CASR: variants seen among roughly 807,000 people sequenced by gnomAD.
CASR encodes extracellular calcium-sensing receptor.
In CASR, 23 loss-of-function variants were observed where a neutral mutation model predicts 69.1. That is an observed-to-expected ratio of 0.33 (90% confidence interval 0.24 to 0.47). The LOEUF is 0.47. Among genes scored for constraint, CASR ranks in the 20% least tolerant of loss-of-function variants. The pLI, the probability that CASR is intolerant of heterozygous loss-of-function variation, is 1.00. For missense variants in CASR, 924 were observed against 1,356.1 expected, an observed-to-expected ratio of 0.68 and a Z score of 5.00; for synonymous variants, 541 against 544.7, an observed-to-expected ratio of 0.99 and a Z score of 0.10.
chr3:122,244,705 C>A (rs2074410098), intron 1 of CASR, among the ~76,000 whole-genome samples: 2 of 151,854 alleles, frequency 1.3e-5, no homozygotes, highest in Admixed American at 6.6e-5. Context: ...TGTGGAAATT[C>A]TTGTATGATT....
intron 5 of CASR, among the ~76,000 whole-genome samples, chr3:122,276,268 A>G (rs2074819251): frequency 6.6e-6 from 1 of 152,168 alleles, no homozygotes; most frequent in African/African-American, 2.4e-5. Flanking sequence ...CTGTATTGAA[A>G]CAGTTTCATT....
intron 1 of CASR, among the ~76,000 whole-genome samples, chr3:122,240,142 A>T (rs1430164919): frequency 6.6e-6 from 1 of 152,212 alleles, no homozygotes. Context: ...AAAGAGCAAC[A>T]GGAAAGAAGC....
intron 4 of CASR, among the ~76,000 whole-genome samples, chr3:122,264,230 C>T (rs1270853576): frequency 6.6e-6 from 1 of 152,144 alleles, no homozygotes; most frequent in Non-Finnish European, 1.5e-5. Context: ...GGTCATGTCA[C>T]TAAAAATCTC....
rs532308847 is a variant in CASR, at chr3:122,287,172, C to T, written c.*1981C>T. On this transcript the variant is annotated 3_prime_UTR_variant, in exon 7 of 7. Coordinates refer to ENST00000639785, the MANE Select transcript of CASR (RefSeq NM_000388.4). ...TGAAAATGTGATGGTTTCAAAATAA[C>T]TATGAGGGAACAGCCTCAACAGAAT... 2 of 152,220 alleles carry T rather than the reference C, an allele frequency of 1.3e-5. No individual in the cohort carries two copies. Among genetic ancestry groups the T allele is most frequent in the African/African-American group, 2.4e-5 (1 of 41,458 alleles). The allele number at this position is 152,220 out of a possible 1,614,324, so 9.4% of individuals were successfully genotyped here. A position where few individuals can be genotyped will look rare whatever the true frequency, so the allele number is the denominator to read the frequency against.
intron 1 of CASR, among the ~76,000 whole-genome samples, chr3:122,233,770 C>T (rs572953805): frequency 3.9e-5 from 6 of 152,310 alleles, no homozygotes; most frequent in African/African-American, 1.4e-4. Flanking sequence ...AACCAGCTCC[C>T]GGTGGAACTG....
chr3:122,213,192 A>C (rs888696503), intron 1 of CASR, among the ~76,000 whole-genome samples: 1 of 152,154 alleles, frequency 6.6e-6, no homozygotes, highest in African/African-American at 2.4e-5. Flanking sequence ...ACACCATCAC[A>C]TGTATTTCCA....
intron 1 of CASR, chr3:122,246,420 A>C (rs2074428266): frequency 6.6e-6 from 1 of 152,236 alleles, no homozygotes; most frequent in Non-Finnish European, 1.5e-5. Context: ...GAACACTAAA[A>C]TGCATGCTTT....
chr3:122,264,462 G>C (rs979762657), intron 4 of CASR, among the ~76,000 whole-genome samples: 4 of 152,170 alleles, frequency 2.6e-5, no homozygotes, highest in African/African-American at 4.8e-5. Flanking sequence ...TTAGAGTAAG[G>C]GGGGAGTGAA....
Position 122,212,291 on chromosome 3 carries a change from A to C in CASR, c.-243+28479A>C, listed in dbSNP as rs531045075. On this transcript the variant is annotated intron_variant, in intron 1 of 6. Coordinates refer to ENST00000639785, the MANE Select transcript of CASR (RefSeq NM_000388.4). Reference sequence around the variant, plus strand: ...GATGGAGCTGGAAGCCATTATCCTCAGCAAACTAACTCAGGAACAGAAACC... The same window carrying C: ...GATGGAGCTGGAAGCCATTATCCTCCGCAAACTAACTCAGGAACAGAAACC... Among the ~76,000 whole-genome samples, 279 of 152,322 alleles carry C rather than the reference A, an allele frequency of 1.8e-3. 2 individuals are homozygous for C. Among genetic ancestry groups the C allele is most frequent in the Admixed American group, 3.8e-3 (58 of 15,304 alleles).
chr3:122,268,550 C>T (rs1486380729), intron 4 of CASR, among the ~76,000 whole-genome samples: 1 of 152,190 alleles, frequency 6.6e-6, no homozygotes, highest in East Asian at 1.9e-4. Flanking sequence ...CCTGACACCT[C>T]GGTCCTTACA....
In CASR at chr3:122,252,456, AAAG is replaced by A. The variant is rs146331343; in HGVS notation, c.-242-1489_-242-1487del. Among the ~76,000 whole-genome samples the A allele has an allele frequency of 3.3e-3, 290 of 88,046 alleles. 36 individuals carry two copies. The highest frequency in any genetic ancestry group is 0.021 in the Middle Eastern group (4 of 192). 57.8% of individuals were successfully genotyped at this position (88,046 alleles called of 152,430 possible). On this transcript the variant is annotated intron_variant, in intron 1 of 6. Coordinates refer to ENST00000639785, the MANE Select transcript of CASR (RefSeq NM_000388.4). ...AAGAAAGAAAGAAAGAAAAAAAAGA[AAAG>A]AAAGAAAAGAAAAGAAGGGAGGGAG... is the stretch of plus-strand genomic sequence containing the variant.
intron 1 of CASR, among the ~76,000 whole-genome samples, chr3:122,231,349 C>A (rs1576836829): frequency 6.6e-6 from 1 of 152,144 alleles, no homozygotes; most frequent in African/African-American, 2.4e-5. Context: ...TCATGCTGAT[C>A]AATTCAATTA....
chr3:122,227,897 A>G (rs2074240680), intron 1 of CASR, among the ~76,000 whole-genome samples: 1 of 152,176 alleles, frequency 6.6e-6, no homozygotes, highest in Non-Finnish European at 1.5e-5. Flanking sequence ...CAAGATAAAA[A>G]CTAGTTAAAA....
chr3:122,233,870 T>C (rs1367731429), intron 1 of CASR, among the ~76,000 whole-genome samples: 3 of 152,146 alleles, frequency 2.0e-5, no homozygotes, highest in Non-Finnish European at 4.4e-5. Context: ...AGCTAAAAGT[T>C]TTTCACTGGG....
chr3:122,257,681 G>T, intron 3 of CASR: 1 of 302,554 alleles, frequency 3.3e-6, no homozygotes, highest in Non-Finnish European at 6.1e-6. Context: ...TATTCCTTTA[G>T]TAAATTTTTT....
intron 1 of CASR, among the ~76,000 whole-genome samples, chr3:122,233,514 G>A (rs1425950618): frequency 1.3e-5 from 2 of 152,198 alleles, no homozygotes; most frequent in Non-Finnish European, 1.5e-5. Flanking sequence ...AGTAGCGGAG[G>A]AGAAAATGAG....
chr3:122,258,816 C>G (rs1189458689), intron 3 of CASR, among the ~76,000 whole-genome samples: 1 of 152,114 alleles, frequency 6.6e-6, no homozygotes, highest in South Asian at 2.1e-4. Context: ...AATACTGGTG[C>G]CTAAGTCCCA....
intron 2 of CASR, among the ~76,000 whole-genome samples, chr3:122,256,029 G>C (rs2074551210): frequency 6.6e-6 from 1 of 152,172 alleles, no homozygotes. Flanking sequence ...TATTTCTCTT[G>C]TTAACTTGTT....
intron 1 of CASR, among the ~76,000 whole-genome samples, chr3:122,244,446 T>A (rs28825513): frequency 0.032 from 2,657 of 82,586 alleles, 73 homozygotes; most frequent in African/African-American, 0.1. Flanking sequence ...TATACAATAA[T>A]GAGAAAAAAC....
Sources: allele counts gnomAD v4.1 joint callset (sites outside exome capture counted in the v4.1 genomes callset), GRCh38; gene constraint gnomAD v4.1.1; transcripts MANE v1.5; gene names NCBI Gene and HGNC (gene_info 2026-07-23, HGNC 2026-07-21).